Variants in CNTNAP2 observed in about 807,000 individuals in gnomAD.
The protein encoded by CNTNAP2 is contactin associated protein 2, also known as contactin-associated protein-like 2.
CNTNAP2 carries 98 observed loss-of-function variants against 155.2 expected under a neutral mutation model. That is an observed-to-expected ratio of 0.63 (90% confidence interval 0.54 to 0.75). CNTNAP2 has a LOEUF of 0.75. Ranked by LOEUF, CNTNAP2 falls within the 30% of genes least tolerant of loss-of-function variation. CNTNAP2 has a pLI of 0.00. For missense variants in CNTNAP2, 1,727 were observed against 1,688.1 expected (o/e 1.02, Z -0.40); for synonymous variants, 651 against 631.2 (o/e 1.03, Z -0.47).
At chr7:147,117,395 G>T (rs1364003675) in intron 5 of CNTNAP2, among the ~76,000 whole-genome samples, 1 of 152,106 alleles carries the variant, frequency 6.6e-6, no homozygotes, top group Non-Finnish European at 1.5e-5. Flanking sequence ...AGGGGTTGGG[G>T]GTTCCCTTGG....
At chr7:148,187,146 AC>A (rs67717620) in intron 18 of CNTNAP2, among the ~76,000 whole-genome samples, 66,653 of 144,898 alleles carry the variant, frequency 0.46, 16,674 homozygotes, top group Non-Finnish European at 0.57. Context: ...ACACACACAC[AC>A]AAACAGAGCC....
At chr7:147,689,981 A>T (rs182761687) in intron 13 of CNTNAP2, among the ~76,000 whole-genome samples, 59 of 150,324 alleles carry the variant, frequency 3.9e-4, no homozygotes, top group African/African-American at 1.4e-3. Flanking sequence ...GGCTTGAGGA[A>T]CTACGGTGTA....
intron 14 of CNTNAP2, among the ~76,000 whole-genome samples, chr7:147,966,397 GA>G (rs1801210540): frequency 6.6e-6 from 1 of 152,114 alleles, no homozygotes; most frequent in Non-Finnish European, 1.5e-5. Context: ...TGTTTTTCAT[GA>G]GTGTTGAAGT....
At chr7:146,497,009 G>A (rs972558625) in intron 1 of CNTNAP2, among the ~76,000 whole-genome samples, 24 of 152,096 alleles carry the variant, frequency 1.6e-4, no homozygotes, top group African/African-American at 5.6e-4. Flanking sequence ...GAATACCAAG[G>A]TCCACAGTAC....
intron 22 of CNTNAP2, among the ~76,000 whole-genome samples, chr7:148,385,647 T>G (rs560332607): frequency 1.1e-4 from 17 of 152,052 alleles, no homozygotes; most frequent in Admixed American, 2.0e-4. Context: ...AATTAGGAAC[T>G]TGTTTGTTAA....
At chr7:147,105,356 A>G (rs930358741) in intron 4 of CNTNAP2, among the ~76,000 whole-genome samples, 2 of 151,988 alleles carry the variant, frequency 1.3e-5, no homozygotes, top group Non-Finnish European at 2.9e-5. Context: ...TTTTTTGACT[A>G]GCCATTATTG....
At chr7:146,131,035 A>T (rs1797705948) in intron 1 of CNTNAP2, among the ~76,000 whole-genome samples, 1 of 152,218 alleles carries the variant, frequency 6.6e-6, no homozygotes, top group Non-Finnish European at 1.5e-5. Context: ...ACAGAGCCAA[A>T]CCATATCAAT....
intron 3 of CNTNAP2, among the ~76,000 whole-genome samples, chr7:146,982,886 T>A (rs1798045632): frequency 1.3e-5 from 2 of 152,232 alleles, no homozygotes; most frequent in Non-Finnish European, 2.9e-5. Flanking sequence ...TAAATTTATA[T>A]GTTTGATATC....
chr7:147,866,992 T>C (rs1024617606), intron 13 of CNTNAP2, among the ~76,000 whole-genome samples: 2 of 152,236 alleles, frequency 1.3e-5, no homozygotes, highest in African/African-American at 4.8e-5. Context: ...CCTCTCATTA[T>C]TATGTTAGCT....
chr7:147,593,466 G>C (rs1469516267), intron 12 of CNTNAP2, among the ~76,000 whole-genome samples: 1 of 151,818 alleles, frequency 6.6e-6, no homozygotes, highest in Non-Finnish European at 1.5e-5. Context: ...GATTTCACAG[G>C]TTCTTCAGTT....
intron 13 of CNTNAP2, among the ~76,000 whole-genome samples, chr7:147,884,552 AT>A (rs1799574645): frequency 6.6e-6 from 1 of 152,202 alleles, no homozygotes; most frequent in African/African-American, 2.4e-5. Flanking sequence ...ATTGCATTTA[AT>A]ACCAGCAGGT....
At chr7:148,415,389 C>T in intron 23 of CNTNAP2, 28 bp from the exon 24 acceptor site, 2 of 1,609,960 alleles carry the variant, frequency 1.2e-6, no homozygotes, top group Non-Finnish European at 1.7e-6. Context: ...CCCTGTCTAA[C>T]CTCTCGTGCT....
chr7:147,713,763 A>T (rs1278001588), intron 13 of CNTNAP2, among the ~76,000 whole-genome samples: 3 of 152,168 alleles, frequency 2.0e-5, no homozygotes, highest in African/African-American at 4.8e-5. Flanking sequence ...ACCAGCAATG[A>T]ATGACAGATC....
At chr7:147,842,462 A>G (rs1276947588) in intron 13 of CNTNAP2, among the ~76,000 whole-genome samples, 1 of 152,038 alleles carries the variant, frequency 6.6e-6, no homozygotes, top group East Asian at 1.9e-4. Flanking sequence ...TAACTGCTAT[A>G]AGTATATGCA....
At position 147,426,201 on chromosome 7, in the gene CNTNAP2, A is replaced by G. The variant is rs373898075; in HGVS notation, c.1670+30421A>G. On this transcript the variant is annotated intron_variant, in intron 10 of 23. Transcript: ENST00000361727. ...AATGTGCTTTTTTATTTTTTTAAAT[A>G]AAAAAGAGCCTAAATAGAAATCTTA... Among the ~76,000 whole-genome samples, 15 of 151,892 alleles carry G rather than the reference A, an allele frequency of 9.9e-5. No individual in the cohort carries two copies. In the East Asian group the frequency reaches 1.9e-3, roughly 20 times the overall value.
At chr7:148,221,060 C>A (rs577224321) in intron 19 of CNTNAP2, among the ~76,000 whole-genome samples, 3 of 152,100 alleles carry the variant, frequency 2.0e-5, no homozygotes, top group Non-Finnish European at 2.9e-5. Context: ...CAACTGTATT[C>A]GCTACCTCAC....
chr7:146,120,416 A>G (rs945814866), intron 1 of CNTNAP2, among the ~76,000 whole-genome samples: 3 of 152,182 alleles, frequency 2.0e-5, no homozygotes, highest in Non-Finnish European at 4.4e-5. Flanking sequence ...TTCAGGAAGT[A>G]AGAATCATTG....
At chr7:146,338,588 C>A (rs1801319487) in intron 1 of CNTNAP2, among the ~76,000 whole-genome samples, 1 of 152,090 alleles carries the variant, frequency 6.6e-6, no homozygotes, top group Admixed American at 6.5e-5. Context: ...TTCCATGCTT[C>A]ACCTCCACTC....
At chr7:146,921,958 G>T (rs1563003077) in intron 3 of CNTNAP2, among the ~76,000 whole-genome samples, 2 of 152,050 alleles carry the variant, frequency 1.3e-5, no homozygotes, top group African/African-American at 4.8e-5. Context: ...TAGATAAATG[G>T]AGTAAAGAAA....
Sources: allele counts gnomAD v4.1 joint callset (sites outside exome capture counted in the v4.1 genomes callset), GRCh38; gene constraint gnomAD v4.1.1; transcripts MANE v1.5; gene names NCBI Gene and HGNC (gene_info 2026-07-23, HGNC 2026-07-21).